The following TGFBR3 variants were observed in gnomAD, a reference collection of about 807,000 sequenced individuals.
TGFBR3 encodes the protein transforming growth factor beta receptor type 3.
Under a neutral mutation model 87.9 loss-of-function variants are expected in TGFBR3, and 46 were observed. The observed-to-expected ratio is 0.52, with a 90% confidence interval of 0.41 to 0.67. The LOEUF is 0.67. Ranked by LOEUF, TGFBR3 falls within the 30% of genes least tolerant of loss-of-function variation. TGFBR3 has a pLI of 0.00. For synonymous variants in TGFBR3, 381 were observed against 391.6 expected (o/e 0.97, Z 0.32); for missense variants, 866 against 1,041.9 (o/e 0.83, Z 2.32).
upstream of TGFBR3, among the ~76,000 whole-genome samples, chr1:91,890,835 T>C (rs1462338850): frequency 6.6e-6 from 1 of 152,086 alleles, no homozygotes; most frequent in Admixed American, 6.5e-5. Flanking sequence ...CCGTTCATGC[T>C]CTGAACCTCC....
intron 4 of TGFBR3, among the ~76,000 whole-genome samples, chr1:91,756,990 T>C (rs191205217): frequency 2.0e-5 from 3 of 152,330 alleles, no homozygotes; most frequent in East Asian, 1.9e-4. Flanking sequence ...ATAACATTGA[T>C]ATAATATTTT....
rs908906704 is a variant in TGFBR3 at position 91,714,892 on chromosome 1, G to A, written c.1866+1344C>T. Among the ~76,000 whole-genome samples, 10 of 152,232 alleles carry A rather than the reference G, an allele frequency of 6.6e-5. No individual in the cohort carries two copies. The East Asian group carries it at 7.7e-4, about 12-fold the overall frequency. On this transcript the variant is annotated intron_variant, in intron 12 of 16. Coordinates refer to ENST00000212355, the MANE Select transcript of TGFBR3 (RefSeq NM_003243.5). The stretch of plus-strand genomic sequence containing the variant: ...CTCAAAGAAAGAGAACTCTCAGAAT[G>A]GGGGAGGGGCAGAATCCATATGATC...
At chr1:91,820,824 T>C (rs1474416470) in intron 2 of TGFBR3, among the ~76,000 whole-genome samples, 3 of 152,200 alleles carry the variant, frequency 2.0e-5, no homozygotes, top group African/African-American at 7.2e-5. Flanking sequence ...AATGATACAA[T>C]TTATTAACCT....
At position 91,680,628 on chromosome 1, in the gene TGFBR3, G is replaced by A. The variant is rs1170218004; in HGVS notation, c.*3111C>T. On this transcript the variant is annotated 3_prime_UTR_variant, in exon 17 of 17. Transcript: ENST00000212355. ...GTCCTTTTTAGAAAAACATCTGTCAGTTTCATGAACAACCCCCAGATAAAA... is the reference window on the plus strand; with the variant it reads ...GTCCTTTTTAGAAAAACATCTGTCAATTTCATGAACAACCCCCAGATAAAA... The A allele has an allele frequency of 1.8e-5, 8 of 453,968 alleles. No homozygotes were observed. Among genetic ancestry groups the A allele is most frequent in the South Asian group, 1.2e-4 (8 of 64,470 alleles). 28.1% of individuals were successfully genotyped at this position (453,968 alleles called of 1,614,324 possible).
intron 3 of TGFBR3, among the ~76,000 whole-genome samples, chr1:91,783,790 CA>C (rs1330391814): frequency 1.3e-5 from 2 of 152,058 alleles, no homozygotes; most frequent in Non-Finnish European, 2.9e-5. Context: ...ACTCACTGAG[CA>C]AGAAAACAAA....
At chr1:91,791,366 T>C (rs1675186707) in intron 3 of TGFBR3, among the ~76,000 whole-genome samples, 1 of 152,098 alleles carries the variant, frequency 6.6e-6, no homozygotes, top group Non-Finnish European at 1.5e-5. Flanking sequence ...TAGAGCACAA[T>C]GGCTCCTGAG....
intron 1 of TGFBR3, among the ~76,000 whole-genome samples, chr1:91,864,658 C>G (rs1352846778): frequency 1.3e-5 from 2 of 152,216 alleles, no homozygotes; most frequent in Non-Finnish European, 2.9e-5. Context: ...TCTCATTCAG[C>G]TGAACTCCAG....
At chr1:91,787,239 T>C (rs960153038) in intron 3 of TGFBR3, among the ~76,000 whole-genome samples, 10 of 151,916 alleles carry the variant, frequency 6.6e-5, no homozygotes, top group Admixed American at 6.6e-4. Flanking sequence ...AGGCGGAGGT[T>C]GCAGTGAGCC....
At chr1:91,807,596 T>C (rs1675880980) in intron 2 of TGFBR3, among the ~76,000 whole-genome samples, 1 of 152,184 alleles carries the variant, frequency 6.6e-6, no homozygotes, top group African/African-American at 2.4e-5. Context: ...TCTCAAAGTG[T>C]TGGGAAGTGC....
intron 1 of TGFBR3, among the ~76,000 whole-genome samples, chr1:91,868,873 AC>A: frequency 6.6e-6 from 1 of 152,290 alleles, no homozygotes; most frequent in African/African-American, 2.4e-5. Flanking sequence ...GGCATGTGAA[AC>A]ACTAAGAATT....
At chr1:91,772,350 T>TAGGATCCCATTTTTGTTC (rs1233517862) in intron 3 of TGFBR3, among the ~76,000 whole-genome samples, 4 of 152,138 alleles carry the variant, frequency 2.6e-5, no homozygotes, top group Non-Finnish European at 5.9e-5. Flanking sequence ...CATTTTTGTT[T>TAGGATCCCATTTTTGTTC]AGGATCTAAA....
chr1:91,813,875 C>T (rs1014394651), intron 2 of TGFBR3, among the ~76,000 whole-genome samples: 1 of 152,176 alleles, frequency 6.6e-6, no homozygotes, highest in East Asian at 1.9e-4. Flanking sequence ...ATCAGGCATT[C>T]GTGAGATTCT....
In TGFBR3 at chr1:91,683,563, G is replaced by A; in HGVS notation, c.*176C>T. 1.4e-6 allele frequency: 1 copy of A among 701,890 alleles called. No individual in the cohort carries two copies. Among genetic ancestry groups the A allele is most frequent in the Non-Finnish European group, 2.6e-6 (1 of 387,420 alleles). The allele number at this position is 701,890 out of a possible 1,614,324, so 43.5% of individuals were successfully genotyped here. On this transcript the variant is annotated 3_prime_UTR_variant, in exon 17 of 17. Coordinates refer to ENST00000212355, the MANE Select transcript of TGFBR3 (RefSeq NM_003243.5). ...CCAGGGTCATGTTTATACTAGCCCT[G>A]GGTGTGGGGTGAATACAACGGGTGA...
intron 5 of TGFBR3, among the ~76,000 whole-genome samples, chr1:91,732,159 T>C (rs1317222520): frequency 1.3e-5 from 2 of 152,060 alleles, no homozygotes; most frequent in Admixed American, 6.6e-5. Context: ...GGAATGAACC[T>C]GGGGGGTAAT....
At chr1:91,767,382 G>T (rs1406588810) in intron 3 of TGFBR3, among the ~76,000 whole-genome samples, 2 of 132,768 alleles carry the variant, frequency 1.5e-5, no homozygotes, top group Non-Finnish European at 3.3e-5. Flanking sequence ...AATCCAGAGA[G>T]GAGTAATTAC....
intron 2 of TGFBR3, among the ~76,000 whole-genome samples, chr1:91,802,584 C>A (rs773637577): frequency 1.3e-5 from 2 of 152,090 alleles, no homozygotes; most frequent in Non-Finnish European, 2.9e-5. Flanking sequence ...TGGTCTCGAA[C>A]TCCTGGCCTC....
rs1243442735 is a variant in TGFBR3 at position 91,682,564 on chromosome 1, ATG to A, written c.*1173_*1174del. The A allele has an allele frequency of 4.4e-6, 2 of 453,808 alleles. No individual in the cohort carries two copies. The highest frequency in any genetic ancestry group is 4.0e-5 in the African/African-American group (2 of 49,926). The allele number at this position is 453,808 out of a possible 1,614,324, so 28.1% of individuals were successfully genotyped here. A position where few individuals can be genotyped will look rare whatever the true frequency, so the allele number is the denominator to read the frequency against. On this transcript the variant is annotated 3_prime_UTR_variant, in exon 17 of 17. Transcript: ENST00000212355. ...AGGCAAGAGAAGTAAGGCAATCCAA[ATG>A]AGTGCCCTTTTCCAATCTCAGCACT... is the stretch of plus-strand genomic sequence containing the variant.
rs1370865905 is a variant in TGFBR3, at chr1:91,682,211, A to G, written c.*1528T>C. The G allele has an allele frequency of 4.4e-6, 2 of 454,082 alleles. No individual in the cohort carries two copies. Among genetic ancestry groups the G allele is most frequent in the Admixed American group, 4.7e-5 (2 of 42,580 alleles). The allele number at this position is 454,082 out of a possible 1,614,324, so 28.1% of individuals were successfully genotyped here. A position where few individuals can be genotyped will look rare whatever the true frequency, so the allele number is the denominator to read the frequency against. On this transcript the variant is annotated 3_prime_UTR_variant, in exon 17 of 17. Coordinates refer to ENST00000212355, the MANE Select transcript of TGFBR3 (RefSeq NM_003243.5). ...AGGATTACCTACTGAGGTTCCATTC[A>G]CAGACAACCAGGCATAACTTCCTTA... is the stretch of plus-strand genomic sequence containing the variant.
upstream of TGFBR3, among the ~76,000 whole-genome samples, chr1:91,890,346 T>C (rs1427059484): frequency 6.6e-6 from 1 of 150,812 alleles, no homozygotes; most frequent in Non-Finnish European, 1.5e-5. Context: ...CAGACTTTCT[T>C]TAATCAGATA....
Sources: gnomAD v4.1 joint callset for allele counts (sites outside exome capture counted in the v4.1 genomes callset) on GRCh38, gnomAD v4.1.1 for gene constraint, MANE v1.5 for transcripts, NCBI Gene and HGNC (gene_info 2026-07-23, HGNC 2026-07-21) for gene names.